Variants in CYP3A43 observed in about 807,000 individuals in gnomAD.
CYP3A43 encodes the protein cytochrome P450 3A43.
CYP3A43 carries 45 observed loss-of-function variants against 58.0 expected under a neutral mutation model. That is an observed-to-expected ratio of 0.78 (90% CI 0.61 to 0.99). The LOEUF is 0.99. CYP3A43 is among the 50% of genes least tolerant of loss of function. The pLI is 0.00. For synonymous variants in CYP3A43, 191 were observed against 201.4 expected (o/e 0.95, Z 0.44); for missense variants, 593 against 591.9 (o/e 1.00, Z -0.02).
At chr7:99,837,175 C>G (rs1817120906) in intron 2 of CYP3A43, among the ~76,000 whole-genome samples, 1 of 149,108 alleles carries the variant, frequency 6.7e-6, no homozygotes. Flanking sequence ...AAAAATTAGC[C>G]GGGCGCAGTG....
intron 6 of CYP3A43, among the ~76,000 whole-genome samples, chr7:99,848,900 T>C (rs1817637660): frequency 6.6e-6 from 1 of 152,262 alleles, no homozygotes; most frequent in South Asian, 2.1e-4. Context: ...CACTCAGCTA[T>C]GGGATGCCCC....
rs369950499 is a variant in CYP3A43 at position 99,865,793 on chromosome 7, G to GT, written c.1417-104dup. 1,158 of 642,988 alleles carry GT rather than the reference G, an allele frequency of 1.8e-3. 2 individuals carry two copies. The highest frequency in any genetic ancestry group is 2.0e-3 in the Non-Finnish European group (813 of 402,572). 39.8% of individuals were successfully genotyped at this position (642,988 alleles called of 1,614,324 possible). A position where few individuals can be genotyped will look rare whatever the true frequency, so the allele number is the denominator to read the frequency against. ...ACCAACATGTATGGTGCTGAAAGTAGTTTTTTTTTAGTCATTGCAAAGCAT... is the reference window on the plus strand; with the variant it reads ...ACCAACATGTATGGTGCTGAAAGTAGTTTTTTTTTTAGTCATTGCAAAGCAT... On this transcript the variant is annotated intron_variant, in intron 12 of 12. Coordinates refer to ENST00000354829, the MANE Select transcript of CYP3A43 (RefSeq NM_057095.3).
chr7:99,842,562 T>G (rs1320948514), intron 3 of CYP3A43, among the ~76,000 whole-genome samples: 2 of 152,226 alleles, frequency 1.3e-5, no homozygotes, highest in Non-Finnish European at 2.9e-5. Flanking sequence ...ATACAAAAGT[T>G]TTAACACTTT....
intron 1 of CYP3A43, among the ~76,000 whole-genome samples, chr7:99,832,982 A>T (rs1816909173): frequency 6.6e-6 from 1 of 152,228 alleles, no homozygotes; most frequent in South Asian, 2.1e-4. Context: ...AGAATCAATT[A>T]ACTAAATAGA....
At chr7:99,849,149 G>C (rs1479400479) in intron 6 of CYP3A43, among the ~76,000 whole-genome samples, 1 of 152,162 alleles carries the variant, frequency 6.6e-6, no homozygotes, top group Non-Finnish European at 1.5e-5. Flanking sequence ...GTGGGGTCTG[G>C]CAATGTCAAA....
chr7:99,844,402 G>C (rs551395170), intron 4 of CYP3A43, among the ~76,000 whole-genome samples, 160 bp downstream of exon 4: 1 of 152,238 alleles, frequency 6.6e-6, no homozygotes, highest in Non-Finnish European at 1.5e-5. Context: ...GTGTATTTCT[G>C]TCACTCTAGT....
At chr7:99,839,401 TAAAA>T in intron 3 of CYP3A43, 1 of 696,366 alleles carries the variant, frequency 1.4e-6, no homozygotes, top group Non-Finnish European at 2.6e-6. Context: ...TGAACAAAAA[TAAAA>T]TCTTTGAGAC....
intron 1 of CYP3A43, among the ~76,000 whole-genome samples, chr7:99,832,468 C>T (rs1202612824): frequency 7.0e-6 from 1 of 141,894 alleles, no homozygotes; most frequent in African/African-American, 2.7e-5. Context: ...CATGTTCTCA[C>T]TCATAGGTGG....
intron 9 of CYP3A43, 24 bp downstream of exon 9, chr7:99,856,923 G>C (rs767302051): frequency 6.2e-7 from 1 of 1,606,632 alleles, no homozygotes; most frequent in Non-Finnish European, 8.5e-7. Context: ...GCATCTGGGG[G>C]CTACTGATGG....
intron 3 of CYP3A43, among the ~76,000 whole-genome samples, chr7:99,841,193 C>A (rs965731360): frequency 6.6e-6 from 1 of 152,076 alleles, no homozygotes; most frequent in South Asian, 2.1e-4. Flanking sequence ...TATAACTTCC[C>A]CTTATGCTTG....
intron 7 of CYP3A43, among the ~76,000 whole-genome samples, chr7:99,854,038 G>T (rs1817870651): frequency 6.6e-6 from 1 of 152,036 alleles, no homozygotes; most frequent in Non-Finnish European, 1.5e-5. Context: ...CACTCTAAAT[G>T]ATTTTAAAAT....
At chr7:99,828,990 T>C (rs146698075) in intron 1 of CYP3A43, among the ~76,000 whole-genome samples, 468 of 152,358 alleles carry the variant, frequency 3.1e-3, no homozygotes, top group African/African-American at 0.011. Context: ...TTGTTCATCA[T>C]GTGTTTTCTC....
intron 3 of CYP3A43, 143 bp from the exon 4 acceptor site, chr7:99,844,000 C>T: frequency 1.6e-6 from 1 of 617,114 alleles, no homozygotes; most frequent in South Asian, 2.3e-5. Context: ...CCCTAATTGA[C>T]CTTGGAGCTG....
At chr7:99,828,518 A>G (rs539535535) in intron 1 of CYP3A43, among the ~76,000 whole-genome samples, 1 of 152,136 alleles carries the variant, frequency 6.6e-6, no homozygotes, top group South Asian at 2.1e-4. Flanking sequence ...AAAATTAGTC[A>G]GGCATGGTGG....
At chr7:99,842,492 G>C (rs1449941725) in intron 3 of CYP3A43, among the ~76,000 whole-genome samples, 1 of 152,028 alleles carries the variant, frequency 6.6e-6, no homozygotes. Flanking sequence ...ATTAACTCTT[G>C]TACAAATATC....
At chr7:99,865,505 A>G (rs1818411207) in intron 12 of CYP3A43, among the ~76,000 whole-genome samples, 1 of 148,862 alleles carries the variant, frequency 6.7e-6, no homozygotes, top group African/African-American at 2.6e-5. Context: ...ACACCTACTG[A>G]GGATTACCTT....
chr7:99,833,920 A>G (rs1816954986), intron 1 of CYP3A43, among the ~76,000 whole-genome samples: 1 of 152,202 alleles, frequency 6.6e-6, no homozygotes, highest in Admixed American at 6.5e-5. Context: ...AGGGTTTTGA[A>G]TTCTCCAAAG....
intron 4 of CYP3A43, among the ~76,000 whole-genome samples, chr7:99,845,202 G>T (rs1817498566): frequency 6.6e-6 from 1 of 152,134 alleles, no homozygotes; most frequent in Non-Finnish European, 1.5e-5. Context: ...GTGGCCTGTG[G>T]CTGTGTGATT....
chr7:99,861,903 C>G, intron 11 of CYP3A43, 64 bp downstream of exon 11: 1 of 1,390,774 alleles, frequency 7.2e-7, no homozygotes, highest in Non-Finnish European at 1.0e-6. Flanking sequence ...TTCTGCCTCT[C>G]TCGATGCACA....
Sources: allele counts gnomAD v4.1 joint callset (sites outside exome capture counted in the v4.1 genomes callset), GRCh38; gene constraint gnomAD v4.1.1; transcripts MANE v1.5; gene names NCBI Gene and HGNC (gene_info 2026-07-23, HGNC 2026-07-21).